The following COL5A2 variants were observed in gnomAD, a reference collection of about 807,000 sequenced individuals.
COL5A2 encodes collagen alpha-2(V) chain.
In COL5A2, 23 loss-of-function variants were observed where a neutral mutation model predicts 208.2. The observed-to-expected ratio is 0.11, with a 90% CI of 0.08 to 0.16. The LOEUF is 0.16. COL5A2 is among the 10% of genes least tolerant of loss of function. The probability of loss-of-function intolerance (pLI) is 1.00; values close to 1 mark genes in which losing one functional copy is unlikely to be tolerated. For synonymous variants in COL5A2, 625 were observed against 628.5 expected (o/e 0.99, Z 0.08); for missense variants, 1,590 against 1,956.4 (o/e 0.81, Z 3.53).
At chr2:189,354,989 T>C in the COL5A2 span, among the ~76,000 whole-genome samples, 2 of 152,234 alleles carry the variant, frequency 1.3e-5, no homozygotes, top group African/African-American at 4.8e-5. Context: ...ATCTTTGTTC[T>C]CATTGGTTTC....
At chr2:189,048,055 G>C (rs1685706045) in intron 45 of COL5A2, among the ~76,000 whole-genome samples, 154 bp downstream of exon 45, 1 of 152,036 alleles carries the variant, frequency 6.6e-6, no homozygotes, top group Non-Finnish European at 1.5e-5. Flanking sequence ...TCATTTACAA[G>C]ATATAAAAAT....
intron 1 of COL5A2, among the ~76,000 whole-genome samples, chr2:189,166,455 G>A (rs1034692643): frequency 2.0e-5 from 3 of 152,150 alleles, no homozygotes; most frequent in East Asian, 3.9e-4. Flanking sequence ...AGCTGGCCAA[G>A]TTAGGTCACT....
At chr2:189,377,005 G>A in the COL5A2 span, among the ~76,000 whole-genome samples, 2 of 152,138 alleles carry the variant, frequency 1.3e-5, no homozygotes, top group African/African-American at 4.8e-5. Flanking sequence ...TGAGTGATCT[G>A]TAACTAAGGC....
At chr2:189,382,516 A>C in the COL5A2 span, among the ~76,000 whole-genome samples, 17 of 152,316 alleles carry the variant, frequency 1.1e-4, no homozygotes, top group African/African-American at 4.1e-4. Flanking sequence ...AAGTTTTTCT[A>C]ATTTCTATTT....
intron 1 of COL5A2, among the ~76,000 whole-genome samples, chr2:189,219,874 C>A (rs1576589496): frequency 2.3e-3 from 3 of 1,328 alleles, no homozygotes. Flanking sequence ...AGATAGAGTG[C>A]CCCCCCCCCA....
chr2:189,279,009 G>A, the COL5A2 span, among the ~76,000 whole-genome samples: 1 of 151,708 alleles, frequency 6.6e-6, no homozygotes, highest in Non-Finnish European at 1.5e-5. Context: ...ACTATTATCT[G>A]TTTAATTTGC....
intron 1 of COL5A2, among the ~76,000 whole-genome samples, chr2:189,139,719 A>T (rs989332710): frequency 2.8e-4 from 43 of 152,256 alleles, no homozygotes; most frequent in Admixed American, 8.5e-4. Flanking sequence ...AACCCTTTGT[A>T]CTATCGGTAC....
chr2:189,276,549 T>G, the COL5A2 span, among the ~76,000 whole-genome samples: 1 of 152,170 alleles, frequency 6.6e-6, no homozygotes. Flanking sequence ...ATGCTGACCA[T>G]ATTGCATAAA....
intron 1 of COL5A2, among the ~76,000 whole-genome samples, chr2:189,146,741 AT>A (rs1370813748): frequency 7.9e-5 from 12 of 152,154 alleles, no homozygotes; most frequent in Non-Finnish European, 1.6e-4. Context: ...CCCAAGATGA[AT>A]TTTTTGTCAT....
chr2:189,208,098 A>C (rs964194042), intron 1 of COL5A2, among the ~76,000 whole-genome samples: 6 of 151,960 alleles, frequency 3.9e-5, no homozygotes, highest in Non-Finnish European at 5.9e-5. Context: ...AATCCTCTCA[A>C]CTCCCCTCTT....
chr2:189,338,738 T>G, the COL5A2 span, among the ~76,000 whole-genome samples: 1 of 148,568 alleles, frequency 6.7e-6, no homozygotes, highest in African/African-American at 2.4e-5. Flanking sequence ...AAATTTAAAT[T>G]TTATATTATA....
At chr2:189,096,548 G>C (rs1012068177) in intron 6 of COL5A2, among the ~76,000 whole-genome samples, 9 of 149,760 alleles carry the variant, frequency 6.0e-5, no homozygotes, top group Non-Finnish European at 1.2e-4. Context: ...CGTGAACCAG[G>C]GAGGCGGAGC....
the COL5A2 span, among the ~76,000 whole-genome samples, chr2:189,236,023 A>G: frequency 6.6e-6 from 1 of 151,484 alleles, no homozygotes; most frequent in Non-Finnish European, 1.5e-5. Context: ...AAACACCTGA[A>G]CACCAAGTCT....
the COL5A2 span, chr2:189,311,430 C>G: frequency 1.8e-6 from 2 of 1,134,778 alleles, no homozygotes; most frequent in Non-Finnish European, 2.6e-6. Flanking sequence ...GTGATCTCAG[C>G]CTCCAGCTTG....
chr2:189,071,388 A>C (rs1484358342), intron 18 of COL5A2, among the ~76,000 whole-genome samples: 1 of 152,174 alleles, frequency 6.6e-6, no homozygotes, highest in Non-Finnish European at 1.5e-5. Flanking sequence ...CAGTTTATCT[A>C]ATGTAATCCT....
chr2:189,436,173 A>G, the COL5A2 span, among the ~76,000 whole-genome samples: 1 of 151,944 alleles, frequency 6.6e-6, no homozygotes, highest in African/African-American at 2.4e-5. Context: ...ACCTAAAACC[A>G]TAAAAACCCT....
chr2:189,071,910 G>A (rs1023359924), intron 18 of COL5A2, 130 bp downstream of exon 18: 47 of 606,460 alleles, frequency 7.7e-5, no homozygotes, highest in Middle Eastern at 4.4e-4. Context: ...TGAAAAATGA[G>A]CATACTCTAG....
At chr2:189,296,535 T>C in the COL5A2 span, among the ~76,000 whole-genome samples, 6 of 152,364 alleles carry the variant, frequency 3.9e-5, no homozygotes, top group African/African-American at 1.2e-4. Flanking sequence ...TGATTATAAA[T>C]GGTAGAGGTC....
chr2:189,206,750 A>C (rs1253666971), intron 1 of COL5A2, among the ~76,000 whole-genome samples: 1 of 151,374 alleles, frequency 6.6e-6, no homozygotes. Flanking sequence ...CGGGGAAGGC[A>C]TGAAGAGCCA....
Sources: gnomAD v4.1 joint callset for allele counts (sites outside exome capture counted in the v4.1 genomes callset) on GRCh38, gnomAD v4.1.1 for gene constraint, MANE v1.5 for transcripts, NCBI Gene and HGNC (gene_info 2026-07-23, HGNC 2026-07-21) for gene names.